The following CYP2C8 variants were observed in gnomAD, a reference collection of about 807,000 sequenced individuals.
CYP2C8 encodes the protein cytochrome P450 2C8.
CYP2C8 carries 51 observed loss-of-function variants against 41.3 expected under a neutral mutation model. The ratio of observed to expected loss-of-function variants is 1.24; its 90% confidence interval spans 0.99 to 1.56. CYP2C8 has a LOEUF of 1.56. CYP2C8 is among the 40% of genes most tolerant of loss of function. CYP2C8 has a pLI of 0.00. For missense variants in CYP2C8, 651 were observed against 579.9 expected (o/e 1.12, Z -1.26); for synonymous variants, 218 against 205.8 (o/e 1.06, Z -0.51).
At chr10:95,063,828 C>G (rs2033494934) in intron 4 of CYP2C8, among the ~76,000 whole-genome samples, 2 of 152,174 alleles carry the variant, frequency 1.3e-5, no homozygotes. Flanking sequence ...GTGTGGATGT[C>G]CTTTCTGTTT....
chr10:95,066,089 G>T (rs186745664), intron 3 of CYP2C8, among the ~76,000 whole-genome samples: 1 of 150,476 alleles, frequency 6.6e-6, no homozygotes, highest in African/African-American at 2.4e-5. Flanking sequence ...TTTTAGCCAA[G>T]GGGGTGAAAG....
At chr10:95,067,164 A>T in intron 3 of CYP2C8, 44 bp downstream of exon 3, 3 of 1,613,678 alleles carry the variant, frequency 1.9e-6, no homozygotes, top group Non-Finnish European at 2.5e-6. Flanking sequence ...ACTAGTGAAG[A>T]CAGGTAACTG....
In CYP2C8 at chr10:95,046,053, G is replaced by A; in HGVS notation, c.820-102C>T. The A allele has an allele frequency of 2.3e-6, 3 of 1,322,746 alleles. No individual in the cohort carries two copies. In the Admixed American group the frequency reaches 5.7e-5, roughly 25 times the overall value. The allele number at this position is 1,322,746 out of a possible 1,614,324, so 81.9% of individuals were successfully genotyped here. ...CTATTTTTTAAAGTTAGCCAAAAGA[G>A]ATACTGGACAGTACAGTATTAGAAA... On this transcript the variant is annotated intron_variant, in intron 5 of 8. Transcript: ENST00000371270.
chr10:95,067,799 C>A lies in CYP2C8; in HGVS notation c.169-108G>T, dbSNP rs963162679. The A allele has an allele frequency of 6.9e-6, 8 of 1,165,910 alleles. No homozygotes were observed. The African/African-American group carries it at 1.2e-4, about 18-fold the overall frequency. 72.2% of individuals were successfully genotyped at this position (1,165,910 alleles called of 1,614,324 possible). On this transcript the variant is annotated intron_variant, in intron 1 of 8. Transcript: ENST00000371270. ...TGTATTTTTTAATGTTCATATTTGC[C>A]ACACATAGATTCGATATTTCTGAAT...
chr10:95,042,415 A>T (rs11572168), intron 7 of CYP2C8, among the ~76,000 whole-genome samples: 12,137 of 152,186 alleles, frequency 0.08, 610 homozygotes, highest in Middle Eastern at 0.16. Flanking sequence ...AAAAAAAATT[A>T]AAAAATTATA....
intron 5 of CYP2C8, among the ~76,000 whole-genome samples, chr10:95,055,891 G>A (rs1354369322): frequency 6.6e-6 from 1 of 152,038 alleles, no homozygotes; most frequent in East Asian, 1.9e-4. Context: ...AGGAGTTTGA[G>A]ACCAGCCTAG....
In CYP2C8 at chr10:95,058,496, G is replaced by T. The variant is rs1343170325; in HGVS notation, c.658C>A (p.Pro220Thr). The T allele has an allele frequency of 2.5e-6, 4 of 1,612,226 alleles. No individual in the cohort carries two copies. Residue 220 changes from proline to threonine, a missense_variant, in exon 5 of 9, where the codon CCT (proline) becomes ACT (threonine). By Grantham distance (38) the Pro-to-Thr change is conservative. Coordinates refer to ENST00000371270, the MANE Select transcript of CYP2C8 (RefSeq NM_000770.3). Reference protein sequence around the residue: ...SPWIQVCNNFPLLIDCFPGTH... With the variant: ...SPWIQVCNNFTLLIDCFPGTH... ...CCTGGGAAACAATCAATGAGTAGAG[G>T]GAAATTATTGCAGACCTAAAAGAGA...
intron 5 of CYP2C8, among the ~76,000 whole-genome samples, chr10:95,055,415 T>C (rs1404251345): frequency 6.6e-6 from 1 of 152,178 alleles, no homozygotes; most frequent in Non-Finnish European, 1.5e-5. Flanking sequence ...CTGGGACAAC[T>C]GGGTAGCCAC....
At chr10:95,049,196 G>A (rs1177552296) in intron 5 of CYP2C8, among the ~76,000 whole-genome samples, 2 of 152,010 alleles carry the variant, frequency 1.3e-5, no homozygotes, top group East Asian at 3.9e-4. Flanking sequence ...TATACAAATG[G>A]GAGAGTGGAG....
intron 4 of CYP2C8, among the ~76,000 whole-genome samples, chr10:95,062,859 G>A (rs1041692309): frequency 3.9e-5 from 6 of 152,132 alleles, no homozygotes; most frequent in Non-Finnish European, 8.8e-5. Context: ...CTCAGCATTT[G>A]CTTGTATGTA....
chr10:95,069,325 TCTC>T lies in CYP2C8; in HGVS notation c.75_77del (p.Arg27del). On this transcript the variant is annotated inframe_deletion, in exon 1 of 9. Transcript: ENST00000371270. Reference sequence around the variant, plus strand: ...GAGTGGGGCCAGGAGGGAGCTTCCTTCTCCTACAGCTCTGTCTCCAGAGTGAAA... The same window carrying T: ...GAGTGGGGCCAGGAGGGAGCTTCCTTCTACAGCTCTGTCTCCAGAGTGAAA... The T allele has an allele frequency of 6.2e-7, 1 of 1,614,012 alleles. No individual in the cohort carries two copies. Among genetic ancestry groups the T allele is most frequent in the Non-Finnish European group, 8.5e-7 (1 of 1,179,976 alleles).
chr10:95,064,097 G>A (rs182486196), intron 4 of CYP2C8, among the ~76,000 whole-genome samples: 20 of 152,302 alleles, frequency 1.3e-4, no homozygotes, highest in South Asian at 4.1e-4. Flanking sequence ...TGAGGAGACC[G>A]TCTGTCCATT....
intron 6 of CYP2C8, among the ~76,000 whole-genome samples, chr10:95,044,318 G>A (rs903457052): frequency 6.6e-6 from 1 of 152,162 alleles, no homozygotes; most frequent in African/African-American, 2.4e-5. Flanking sequence ...TTCTGATGCT[G>A]TTTGAATGCT....
chr10:95,067,724 A>T lies in CYP2C8; in HGVS notation c.169-33T>A, dbSNP rs766577999. On this transcript the variant is annotated intron_variant, in intron 1 of 8. Coordinates refer to ENST00000371270, the MANE Select transcript of CYP2C8 (RefSeq NM_000770.3). ...AGGAAATGCAAATAGCAGCAAAATAAGTCGCTATTTGCTCCAAATACTATG... is the reference window on the plus strand; with the variant it reads ...AGGAAATGCAAATAGCAGCAAAATATGTCGCTATTTGCTCCAAATACTATG... 1.5e-5 allele frequency: 24 copies of T among 1,607,658 alleles called. No individual in the cohort carries two copies. In the South Asian group the frequency reaches 2.5e-4, roughly 17 times the overall value.
Position 95,067,684 on chromosome 10 carries a change from T to C in CYP2C8, c.176A>G (p.Lys59Arg). 1 of 1,614,114 alleles carries C rather than the reference T, an allele frequency of 6.2e-7. No homozygotes were observed. The highest frequency in any genetic ancestry group is 1.1e-5 in the South Asian group (1 of 91,080). ...CACGGTGAACACAGGACCATAGACT[T>C]TTGAGAACTGGGAAAGGAAATGCAA... ...DICKSFTNFS[K>R]VYGPVFTVYF... Residue 59 changes from lysine to arginine, a missense_variant, in exon 2 of 9, where the codon AAA (lysine) becomes AGA (arginine). By Grantham distance (26) the Lys-to-Arg change is conservative (BLOSUM62 2). Coordinates refer to ENST00000371270, the MANE Select transcript of CYP2C8 (RefSeq NM_000770.3).
intron 5 of CYP2C8, among the ~76,000 whole-genome samples, chr10:95,047,901 G>A (rs2033139788): frequency 6.6e-6 from 1 of 152,172 alleles, no homozygotes; most frequent in African/African-American, 2.4e-5. Context: ...AAGGGACCTT[G>A]TGTGAACAAG....
chr10:95,054,269 T>A (rs539171549), intron 5 of CYP2C8, among the ~76,000 whole-genome samples: 134 of 152,028 alleles, frequency 8.8e-4, no homozygotes, highest in African/African-American at 3.1e-3. Flanking sequence ...AATCAATCAA[T>A]GTAATACACC....
At chr10:95,067,482 C>T (rs758210087) in intron 2 of CYP2C8, 47 bp downstream of exon 2, 16 of 1,613,132 alleles carry the variant, frequency 9.9e-6, no homozygotes, top group Non-Finnish European at 1.4e-5. Context: ...GTTTTCCATC[C>T]CCCTCACCCC....
Position 95,058,391 on chromosome 10 carries a change from G to C in CYP2C8, c.763C>G (p.Leu255Val). 1.9e-6 allele frequency: 3 copies of C among 1,613,520 alleles called. No individual in the cohort carries two copies. In the South Asian group the frequency reaches 3.3e-5, roughly 18 times the overall value. Residue 255 changes from leucine (L) to valine (V), a missense_variant, in exon 5 of 9, where the codon CTG (leucine) becomes GTG (valine). Transcript: ENST00000371270. ...AAGTCCCGAGGATTGTTAACATCCA[G>C]TGATGCTTGGTGTTCTTTTACTTTC... ...REKVKEHQAS[L>V]DVNNPRDFID...
Sources: allele counts gnomAD v4.1 joint callset (sites outside exome capture counted in the v4.1 genomes callset), GRCh38; gene constraint gnomAD v4.1.1; transcripts MANE v1.5; gene names NCBI Gene and HGNC (gene_info 2026-07-23, HGNC 2026-07-21).